MACROD2: variants seen among roughly 807,000 people sequenced by gnomAD.
The protein encoded by MACROD2 is mono-ADP ribosylhydrolase 2.
A neutral mutation model predicts 70.4 loss-of-function variants in MACROD2; 36 were observed. That is an observed-to-expected ratio of 0.51 (90% CI 0.39 to 0.68). MACROD2 has a LOEUF of 0.68. MACROD2 is among the 30% of genes least tolerant of loss of function. MACROD2 has a pLI of 0.00. For synonymous variants in MACROD2, 172 were observed against 178.8 expected (o/e 0.96, Z 0.30); for missense variants, 496 against 538.4 (o/e 0.92, Z 0.78).
intron 4 of MACROD2, among the ~76,000 whole-genome samples, chr20:14,543,387 T>TAAAGAGATG (rs2085456168): frequency 6.6e-6 from 1 of 152,216 alleles, no homozygotes; most frequent in Non-Finnish European, 1.5e-5. Context: ...CCTGGTCTCT[T>TAAAGAGATG]TAAGTTTTAC....
chr20:15,091,493 G>A (rs2075792978), intron 5 of MACROD2, among the ~76,000 whole-genome samples: 1 of 151,892 alleles, frequency 6.6e-6, no homozygotes. Context: ...CCGATTTTCT[G>A]GATTAGTGTT....
intron 3 of MACROD2, among the ~76,000 whole-genome samples, chr20:14,332,039 A>C (rs944572908): frequency 1.3e-5 from 2 of 152,146 alleles, no homozygotes; most frequent in Non-Finnish European, 2.9e-5. Flanking sequence ...CTGGTAACTT[A>C]ATGGAATGTT....
intron 5 of MACROD2, among the ~76,000 whole-genome samples, chr20:15,000,099 A>G (rs996830112): frequency 2.6e-5 from 4 of 152,206 alleles, no homozygotes; most frequent in Non-Finnish European, 2.9e-5. Flanking sequence ...TTTTATCTGT[A>G]ATGGTTTCTT....
chr20:15,816,476 C>CAA (rs151296583), intron 8 of MACROD2, among the ~76,000 whole-genome samples: 124 of 146,874 alleles, frequency 8.4e-4, no homozygotes, highest in African/African-American at 2.9e-3. Flanking sequence ...TGATTTTAAC[C>CAA]AAAAAAAAAA....
At chr20:15,069,037 G>C (rs2075599121) in intron 5 of MACROD2, among the ~76,000 whole-genome samples, 1 of 152,100 alleles carries the variant, frequency 6.6e-6, no homozygotes, top group African/African-American at 2.4e-5. Flanking sequence ...TAAAAATGAG[G>C]AAGTTATTGG....
intron 3 of MACROD2, among the ~76,000 whole-genome samples, chr20:14,305,131 A>G (rs1444852858): frequency 6.6e-6 from 1 of 152,132 alleles, no homozygotes; most frequent in African/African-American, 2.4e-5. Context: ...AAAAGTCACT[A>G]CCCTATAAAG....
chr20:14,028,937 G>C (rs2053214913), intron 2 of MACROD2, among the ~76,000 whole-genome samples: 1 of 152,166 alleles, frequency 6.6e-6, no homozygotes. Flanking sequence ...TTTCTGTGCA[G>C]TTAGGAAAGT....
At chr20:15,202,708 C>T (rs2076667156) in intron 5 of MACROD2, among the ~76,000 whole-genome samples, 1 of 152,156 alleles carries the variant, frequency 6.6e-6, no homozygotes, top group South Asian at 2.1e-4. Context: ...ATGCAAATTA[C>T]TGTGTAAAAC....
intron 5 of MACROD2, among the ~76,000 whole-genome samples, chr20:14,957,137 AT>A (rs61254965): frequency 0.14 from 20,910 of 151,656 alleles, 1,755 homozygotes; most frequent in East Asian, 0.33. Context: ...TGAGCACACA[AT>A]TTTTTTTTAA....
At chr20:15,689,969 C>T (rs1755499664) in intron 8 of MACROD2, among the ~76,000 whole-genome samples, 1 of 152,200 alleles carries the variant, frequency 6.6e-6, no homozygotes, top group African/African-American at 2.4e-5. Context: ...TTGCTGATCA[C>T]AATCAGGCTG....
At chr20:14,917,204 A>G (rs1486821698) in intron 5 of MACROD2, among the ~76,000 whole-genome samples, 1 of 149,944 alleles carries the variant, frequency 6.7e-6, no homozygotes, top group Non-Finnish European at 1.5e-5. Flanking sequence ...TGCATCCTAG[A>G]TTCTCTCCAG....
intron 5 of MACROD2, among the ~76,000 whole-genome samples, chr20:15,218,101 T>C (rs1007242143): frequency 2.6e-5 from 4 of 152,238 alleles, no homozygotes; most frequent in Admixed American, 1.3e-4. Context: ...TTTTTTCTTT[T>C]ACTCTTAACT....
At chr20:14,529,507 C>T (rs2085276771) in intron 4 of MACROD2, among the ~76,000 whole-genome samples, 1 of 152,086 alleles carries the variant, frequency 6.6e-6, no homozygotes, top group South Asian at 2.1e-4. Flanking sequence ...TTTTCATGTC[C>T]TTTTTAAAGC....
At chr20:15,682,350 A>T (rs1374436296) in intron 8 of MACROD2, among the ~76,000 whole-genome samples, 1 of 152,222 alleles carries the variant, frequency 6.6e-6, no homozygotes, top group Non-Finnish European at 1.5e-5. Context: ...TTAAATGCTT[A>T]GTTTGGTTTT....
At chr20:14,071,824 CT>C (rs2053847281) in intron 2 of MACROD2, among the ~76,000 whole-genome samples, 2 of 151,928 alleles carry the variant, frequency 1.3e-5, no homozygotes, top group Admixed American at 6.6e-5. Flanking sequence ...AATCCCAGCA[CT>C]TTTGGAGGCC....
At chr20:14,748,454 A>T (rs913210208) in intron 5 of MACROD2, among the ~76,000 whole-genome samples, 1 of 152,054 alleles carries the variant, frequency 6.6e-6, no homozygotes, top group Admixed American at 6.5e-5. Flanking sequence ...GGTCTTTGTA[A>T]ATATTTGTCA....
At chr20:14,516,228 T>G (rs2085098502) in intron 4 of MACROD2, among the ~76,000 whole-genome samples, 1 of 151,870 alleles carries the variant, frequency 6.6e-6, no homozygotes, top group Non-Finnish European at 1.5e-5. Context: ...TATTTTATCT[T>G]TCAACATTTA....
chr20:15,106,274 G>C (rs1234615467), intron 5 of MACROD2, among the ~76,000 whole-genome samples: 1 of 152,012 alleles, frequency 6.6e-6, no homozygotes, highest in Non-Finnish European at 1.5e-5. Flanking sequence ...TCAATTTTGT[G>C]CCGTAAGCCT....
At chr20:15,843,210 A>G (rs982978214) in intron 8 of MACROD2, among the ~76,000 whole-genome samples, 1 of 152,308 alleles carries the variant, frequency 6.6e-6, no homozygotes, top group South Asian at 2.1e-4. Context: ...TATTATATGC[A>G]TTTATCATCA....
Sources: allele counts gnomAD v4.1 joint callset (sites outside exome capture counted in the v4.1 genomes callset), GRCh38; gene constraint gnomAD v4.1.1; transcripts MANE v1.5; gene names NCBI Gene and HGNC (gene_info 2026-07-23, HGNC 2026-07-21).